The following PIWIL4 variants were observed in gnomAD, a reference collection of about 807,000 sequenced individuals.
PIWIL4 encodes piwi like RNA-mediated gene silencing 4.
In PIWIL4, 50 loss-of-function variants were observed where a neutral mutation model predicts 100.9. That is an observed-to-expected ratio of 0.50 (90% CI 0.39 to 0.63). The LOEUF (loss-of-function observed/expected upper bound fraction) is 0.63, where lower values mean the gene tolerates loss of function less well. Ranked by LOEUF, PIWIL4 falls within the 20% of genes least tolerant of loss-of-function variation. The probability of loss-of-function intolerance (pLI) is 0.00; values close to 1 mark genes in which losing one functional copy is unlikely to be tolerated. For synonymous variants in PIWIL4, 342 were observed against 367.5 expected (o/e 0.93, Z 0.79); for missense variants, 887 against 1,043.3 (o/e 0.85, Z 2.06).
At chr11:94,590,635 T>A (rs1417860240) in intron 8 of PIWIL4, among the ~76,000 whole-genome samples, 1 of 152,188 alleles carries the variant, frequency 6.6e-6, no homozygotes, top group Non-Finnish European at 1.5e-5. Context: ...CCCATTCCTG[T>A]TTCTCCTTGG....
In PIWIL4 at chr11:94,618,012, C is replaced by T. The variant is rs764333524; in HGVS notation, c.2073C>T (p.Tyr691=). The change falls in exon 17 of 20, where the codon TAC becomes TAT. Residue 691 remains tyrosine (Y), a synonymous_variant. Coordinates refer to ENST00000299001, the MANE Select transcript of PIWIL4 (RefSeq NM_152431.3). ...NHDLPARIIV[Y]RAGVGDGQLK... ...ATTTGCCAGCACGGATAATTGTGTA[C>T]CGTGCTGGTGTAGGGGATGGTCAGC... 1.2e-6 allele frequency: 2 copies of T among 1,613,148 alleles called. No individual in the cohort carries two copies. The highest frequency in any genetic ancestry group is 1.7e-6 in the Non-Finnish European group (2 of 1,179,422).
chr11:94,611,811 G>T, intron 15 of PIWIL4, among the ~76,000 whole-genome samples: 1 of 152,088 alleles, frequency 6.6e-6, no homozygotes, highest in African/African-American at 2.4e-5. Flanking sequence ...TGAGGCCCTC[G>T]CCAGAAGCAG....
Position 94,567,401 on chromosome 11 carries a change from G to A in PIWIL4, c.-118G>A. On this transcript the variant is annotated 5_prime_UTR_variant, in exon 1 of 20. Transcript: ENST00000299001. Reference sequence around the variant, plus strand: ...AGCCCCGGCGTTGGTTGTGGATGCTGGACATCCACCGCCTCCAGGCAGTTT... The same window carrying A: ...AGCCCCGGCGTTGGTTGTGGATGCTAGACATCCACCGCCTCCAGGCAGTTT... 2.2e-6 allele frequency: 2 copies of A among 929,594 alleles called. No individual in the cohort carries two copies. Among genetic ancestry groups the A allele is most frequent in the South Asian group, 2.0e-5 (1 of 49,610 alleles). 57.6% of individuals were successfully genotyped at this position (929,594 alleles called of 1,614,324 possible). A position where few individuals can be genotyped will look rare whatever the true frequency, so the allele number is the denominator to read the frequency against.
At chr11:94,590,030 A>G (rs1691610096) in intron 8 of PIWIL4, among the ~76,000 whole-genome samples, 1 of 152,212 alleles carries the variant, frequency 6.6e-6, no homozygotes, top group Non-Finnish European at 1.5e-5. Flanking sequence ...TTTTGAAAGC[A>G]CCTTCTCTTT....
In PIWIL4 at chr11:94,619,783, T is replaced by C; in HGVS notation, c.2192T>C (p.Val731Ala). 6.2e-7 allele frequency: 1 copy of C among 1,614,134 alleles called. No individual in the cohort carries two copies. Among genetic ancestry groups the C allele is most frequent in the Non-Finnish European group, 8.5e-7 (1 of 1,179,994 alleles). The change falls in exon 18 of 20, where the codon GTC becomes GCC. Residue 731 changes from valine (V) to alanine (A), a missense_variant. By Grantham distance (64) the Val-to-Ala change is moderately conservative (BLOSUM62 0). Coordinates refer to ENST00000299001, the MANE Select transcript of PIWIL4 (RefSeq NM_152431.3). Reference sequence around the variant, plus strand: ...AGCTCAAGACTGTCGGTGATTGTGGTCAGGAAGAAGTGCATGCCACGATTC... The same window carrying C: ...AGCTCAAGACTGTCGGTGATTGTGGCCAGGAAGAAGTGCATGCCACGATTC... Reference protein sequence around the residue: ...NTSSRLSVIVVRKKCMPRFFT... With the variant: ...NTSSRLSVIVARKKCMPRFFT...
At chr11:94,580,159 GTTTAT>G (rs1948293146) in intron 4 of PIWIL4, among the ~76,000 whole-genome samples, 1 of 152,272 alleles carries the variant, frequency 6.6e-6, no homozygotes, top group Non-Finnish European at 1.5e-5. Context: ...AATCAGGCCT[GTTTAT>G]TTTATTTCCC....
chr11:94,611,156 G>T lies in PIWIL4; in HGVS notation c.1943+2470G>T, dbSNP rs184194513. On this transcript the variant is annotated intron_variant, in intron 15 of 19. Coordinates refer to ENST00000299001, the MANE Select transcript of PIWIL4 (RefSeq NM_152431.3). ...GTGTCAGTTTTTATGGCAGTATCAG[G>T]CTGTTTTGATTATTATGGCTTTGTA... Among the ~76,000 whole-genome samples, 16 of 152,190 alleles carry T rather than the reference G, an allele frequency of 1.1e-4. No homozygotes were observed. In the East Asian group the frequency reaches 2.9e-3, roughly 28 times the overall value.
chr11:94,603,941 A>G (rs778730063), intron 12 of PIWIL4, 43 bp from the exon 13 acceptor site: 1 of 1,283,766 alleles, frequency 7.8e-7, no homozygotes, highest in Non-Finnish European at 1.1e-6. Flanking sequence ...ATGTGCTACT[A>G]AGAAGGAAGT....
Position 94,601,775 on chromosome 11 carries a change from A to T in PIWIL4, c.1381-20A>T. ...CTGAATAAATTTGTTCAATCCTTTC[A>T]TGATCATTATTTTTCTCAGTGTCAA... On this transcript the variant is annotated intron_variant, in intron 11 of 19. Transcript: ENST00000299001. The T allele has an allele frequency of 6.2e-7, 1 of 1,610,498 alleles. No individual in the cohort carries two copies. The highest frequency in any genetic ancestry group is 8.5e-7 in the Non-Finnish European group (1 of 1,178,014).
intron 16 of PIWIL4, among the ~76,000 whole-genome samples, chr11:94,617,158 A>AT (rs983683985): frequency 6.6e-6 from 1 of 152,070 alleles, no homozygotes; most frequent in African/African-American, 2.4e-5. Flanking sequence ...TATTGTAAAT[A>AT]TTTTTTCTTA....
chr11:94,582,782 G>A (rs528370921), intron 4 of PIWIL4, among the ~76,000 whole-genome samples: 3 of 152,268 alleles, frequency 2.0e-5, no homozygotes, highest in East Asian at 3.9e-4. Context: ...TATAAAATCA[G>A]ATTTCTGATC....
In PIWIL4 at chr11:94,619,837, A is replaced by AC. The variant is rs778520623; in HGVS notation, c.2252dup (p.Leu752ThrfsTer12). 3 of 1,614,008 alleles carry AC rather than the reference A, an allele frequency of 1.9e-6. No individual in the cohort carries two copies. The highest frequency in any genetic ancestry group is 1.1e-5 in the South Asian group (1 of 91,092). ...ACCGAAATGAACCGCACTGTACAGA[A>AC]CCCCCCACTTGGCACTGTTGTGGAT... On this transcript the variant is annotated frameshift_variant, in exon 18 of 20. Transcript: ENST00000299001. LOFTEE classifies it high-confidence loss of function.
intron 9 of PIWIL4, among the ~76,000 whole-genome samples, chr11:94,594,211 C>A (rs6483348): frequency 0.45 from 67,780 of 151,710 alleles, 15,937 homozygotes; most frequent in African/African-American, 0.6. Flanking sequence ...TCACACCTGT[C>A]ATCCTAGCAT....
intron 8 of PIWIL4, 78 bp downstream of exon 8, chr11:94,589,310 C>G (rs985342428): frequency 2.4e-6 from 3 of 1,252,756 alleles, no homozygotes; most frequent in Non-Finnish European, 3.4e-6. Flanking sequence ...TCTCAGAGGT[C>G]CCCCAGATTG....
intron 9 of PIWIL4, 88 bp from the exon 10 acceptor site, chr11:94,595,221 A>G: frequency 9.9e-7 from 1 of 1,008,886 alleles, no homozygotes. Context: ...TGGTGAATGC[A>G]TTCAAGTGGA....
In PIWIL4 at chr11:94,620,076, A is replaced by G; in HGVS notation, c.2374A>G (p.Asn792Asp). 1 of 1,614,092 alleles carries G rather than the reference A, an allele frequency of 6.2e-7. No homozygotes were observed. The highest frequency in any genetic ancestry group is 1.1e-5 in the South Asian group (1 of 91,048). The change falls in exon 19 of 20, where the codon AAC (asparagine) becomes GAC (aspartate). Residue 792 changes from asparagine to aspartate, a missense_variant. Transcript: ENST00000299001. ...PTYYNVIYDD[N>D]GLKPDHMQRL... ...CTACTATAATGTCATCTATGATGAC[A>G]ACGGCTTGAAGCCCGACCATATGCA...
At chr11:94,606,049 G>A (rs758413515) in intron 13 of PIWIL4, among the ~76,000 whole-genome samples, 19 of 152,140 alleles carry the variant, frequency 1.2e-4, no homozygotes, top group Non-Finnish European at 2.4e-4. Flanking sequence ...AAAGATTTGG[G>A]GCACTTGGTG....
At chr11:94,608,503 T>G in intron 14 of PIWIL4, 80 bp from the exon 15 acceptor site, 1 of 1,263,312 alleles carries the variant, frequency 7.9e-7, no homozygotes, top group African/African-American at 1.5e-5. Flanking sequence ...GGAGTCTGTT[T>G]TTAAAAACTT....
At chr11:94,577,194 C>A in intron 3 of PIWIL4, 84 bp from the exon 4 acceptor site, 6 of 1,138,512 alleles carry the variant, frequency 5.3e-6, no homozygotes, top group Non-Finnish European at 5.1e-6. Flanking sequence ...TATGCATAGG[C>A]AAATACATTT....
Sources: allele counts gnomAD v4.1 joint callset (sites outside exome capture counted in the v4.1 genomes callset), GRCh38; gene constraint gnomAD v4.1.1; transcripts MANE v1.5; gene names NCBI Gene and HGNC (gene_info 2026-07-23, HGNC 2026-07-21).